The following SLC22A31 variants were observed in gnomAD, a reference collection of about 807,000 sequenced individuals.
The protein encoded by SLC22A31 is putative solute carrier family 22 member 31.
In SLC22A31, 42 loss-of-function variants were observed where a neutral mutation model predicts 27.4. That is an observed-to-expected ratio of 1.53 (90% CI 1.20 to 1.98). The LOEUF (loss-of-function observed/expected upper bound fraction) is 1.98, where lower values mean the gene tolerates loss of function less well. Among genes scored for constraint, SLC22A31 ranks in the 30% most tolerant of loss-of-function variants. SLC22A31 has a pLI of 0.00. For missense variants in SLC22A31, 593 were observed against 479.9 expected, an observed-to-expected ratio of 1.24 and a Z score of -2.20; for synonymous variants, 290 against 230.8, an observed-to-expected ratio of 1.26 and a Z score of -2.33.
chr16:89,198,021 A>T, intron 7 of SLC22A31, 101 bp downstream of exon 7: 2 of 1,327,624 alleles, frequency 1.5e-6, no homozygotes, highest in Non-Finnish European at 2.0e-6. Flanking sequence ...TTGGGCTGCC[A>T]CCCCAGGCTG....
chr16:89,199,094 C>T lies in SLC22A31; in HGVS notation c.381G>A (p.Ala127=), dbSNP rs998689370. Residue 127 remains alanine (A), a synonymous_variant, in exon 4 of 9, where the codon GCG becomes GCA. Coordinates refer to ENST00000682282, the MANE Select transcript of SLC22A31 (RefSeq NM_001384763.1). ...VGTLLLPGLA[A]LVQDWRLLQG... ...GCAGAAGACGCCAGTCCTGCACAAG[C>T]GCAGCCAGGCCGGGCAGCAGCAGGG... 2.5e-5 allele frequency: 39 copies of T among 1,535,548 alleles called. No individual in the cohort carries two copies. Among genetic ancestry groups the T allele is most frequent in the African/African-American group, 1.6e-4 (12 of 73,012 alleles).
chr16:89,195,999 C>T lies in SLC22A31; in HGVS notation c.1341G>A (p.Ter447=). ...YWAGHTPEQH[*] is the part of the protein sequence containing the mutation. ...TGGCTCCCAGGGCCACCAGGCAGGA[C>T]TAGTGCTGCTCGGGGGTGTGGCCGG... is the stretch of plus-strand genomic sequence containing the variant. The change falls in exon 9 of 9, where the codon TAG becomes TAA. Residue 447 remains the stop codon, a stop_retained_variant. Coordinates refer to ENST00000682282, the MANE Select transcript of SLC22A31 (RefSeq NM_001384763.1). 2.7e-6 allele frequency: 4 copies of T among 1,499,816 alleles called. No individual in the cohort carries two copies. Among genetic ancestry groups the T allele is most frequent in the Non-Finnish European group, 3.5e-6 (4 of 1,129,044 alleles). 92.9% of individuals were successfully genotyped at this position (1,499,816 alleles called of 1,614,324 possible). A position where few individuals can be genotyped will look rare whatever the true frequency, so the allele number is the denominator to read the frequency against.
upstream of SLC22A31, chr16:89,201,612 C>G (rs889121812): frequency 2.0e-5 from 8 of 398,486 alleles, no homozygotes; most frequent in South Asian, 8.8e-4. Context: ...CAGCAGGCGC[C>G]GGGCCCGGCC....
At chr16:89,199,237 G>C (rs899680785) in intron 3 of SLC22A31, 46 bp from the exon 4 acceptor site, 23 of 1,479,736 alleles carry the variant, frequency 1.6e-5, no homozygotes, top group Admixed American at 9.4e-5. Flanking sequence ...GGGGAGGACT[G>C]GAACAGTTCC....
upstream of SLC22A31, chr16:89,201,652 C>T (rs1309030315): frequency 1.3e-5 from 5 of 397,118 alleles, no homozygotes; most frequent in African/African-American, 8.3e-5. Context: ...AGCACCCGCG[C>T]CTCCTGCTCC....
Position 89,199,095 on chromosome 16 carries a change from G to A in SLC22A31, c.380C>T (p.Ala127Val), listed in dbSNP as rs554493532. ...VGTLLLPGLA[A>V]LVQDWRLLQG... ...CAGAAGACGCCAGTCCTGCACAAGC[G>A]CAGCCAGGCCGGGCAGCAGCAGGGT... Residue 127 changes from alanine (A) to valine (V), a missense_variant, in exon 4 of 9, where the codon GCG becomes GTG. Coordinates refer to ENST00000682282, the MANE Select transcript of SLC22A31 (RefSeq NM_001384763.1). The A allele has an allele frequency of 1.3e-4, 198 of 1,535,560 alleles. 1 individual carries two copies. Among genetic ancestry groups the A allele is most frequent in the South Asian group, 9.5e-4 (80 of 84,044 alleles).
chr16:89,200,774 TCA>T (rs1916519889), upstream of SLC22A31, among the ~76,000 whole-genome samples: 1 of 152,160 alleles, frequency 6.6e-6, no homozygotes, highest in African/African-American at 2.4e-5. Context: ...CCATCTCTTC[TCA>T]CGCAGATCGT....
Position 89,198,434 on chromosome 16 carries a change from C to T in SLC22A31, c.707+8G>A, listed in dbSNP as rs1469557311. ...ATGGTGCAGGACCCCAGCCCTTCCT[C>T]GACTCACGAGCTGAAGCCCAAGATA... On this transcript the variant is annotated splice_region_variant and intron_variant, in intron 6 of 8. Transcript: ENST00000682282. The T allele has an allele frequency of 1.9e-5, 29 of 1,517,068 alleles. 1 individual carries two copies. The highest frequency in any genetic ancestry group is 1.7e-4 in the Middle Eastern group (1 of 5,876). 94.0% of individuals were successfully genotyped at this position (1,517,068 alleles called of 1,614,324 possible).
Position 89,196,251 on chromosome 16 carries a change from G to C in SLC22A31, c.1089C>G (p.Gly363=). ...LGAGFLGQAA[G]PLDTLHGRQG... ...GCCGGCCGTGCAGGGTGTCCAGGGG[G>C]CCGGCTGCCTGGCCCAGGAACCCGG... The change falls in exon 9 of 9, where the codon GGC becomes GGG. Residue 363 remains glycine (G), a synonymous_variant. Transcript: ENST00000682282. 1 of 1,533,320 alleles carries C rather than the reference G, an allele frequency of 6.5e-7. No individual in the cohort carries two copies. Among genetic ancestry groups the C allele is most frequent in the Non-Finnish European group, 8.7e-7 (1 of 1,146,116 alleles). 95.0% of individuals were successfully genotyped at this position (1,533,320 alleles called of 1,614,324 possible). A position where few individuals can be genotyped will look rare whatever the true frequency, so the allele number is the denominator to read the frequency against.
At position 89,199,399 on chromosome 16, in the gene SLC22A31, C is replaced by G; in HGVS notation, c.283+14G>C. On this transcript the variant is annotated intron_variant, in intron 3 of 8. Coordinates refer to ENST00000682282, the MANE Select transcript of SLC22A31 (RefSeq NM_001384763.1). ...TGCCCCTCCCCCAGTGACAGCAGCC[C>G]CCAGGGTACTCACGAGCCAGATACA... 1 of 587,882 alleles carries G rather than the reference C, an allele frequency of 1.7e-6. No individual in the cohort carries two copies. Among genetic ancestry groups the G allele is most frequent in the Non-Finnish European group, 3.0e-6 (1 of 331,708 alleles). The allele number at this position is 587,882 out of a possible 1,614,324, so 36.4% of individuals were successfully genotyped here. A position where few individuals can be genotyped will look rare whatever the true frequency, so the allele number is the denominator to read the frequency against.
Position 89,198,501 on chromosome 16 carries a change from T to A in SLC22A31, c.648A>T (p.Pro216=). The stretch of plus-strand genomic sequence containing the variant: ...TGACTCGGGTACGCAGAAGCCCCAG[T>A]GGGGAGTGGTACCGGGGCTGGGGGC... ...ARSPQPRYHS[P]LGLLRTRVTW... Residue 216 remains proline, a synonymous_variant, in exon 6 of 9, where the codon CCA becomes CCT. Transcript: ENST00000682282. 6.6e-7 allele frequency: 1 copy of A among 1,517,670 alleles called. No individual in the cohort carries two copies. The highest frequency in any genetic ancestry group is 8.8e-7 in the Non-Finnish European group (1 of 1,136,960). The allele number at this position is 1,517,670 out of a possible 1,614,324, so 94.0% of individuals were successfully genotyped here.
chr16:89,197,557 G>C, intron 7 of SLC22A31, 148 bp from the exon 8 acceptor site: 1 of 610,156 alleles, frequency 1.6e-6, no homozygotes, highest in East Asian at 2.8e-5. Context: ...CCTGGAGGGG[G>C]AACCTGTCCT....
chr16:89,197,407 G>C lies in SLC22A31; in HGVS notation c.925C>G (p.Leu309Val). The change falls in exon 8 of 9, where the codon CTG (leucine) becomes GTG (valine). Residue 309 changes from leucine to valine, a missense_variant and splice_region_variant. By Grantham distance (32) the Leu-to-Val change is conservative (BLOSUM62 1). Coordinates refer to ENST00000682282, the MANE Select transcript of SLC22A31 (RefSeq NM_001384763.1). Reference protein sequence around the residue: ...SLLLLAGAQYLPGWTVLFLSV... With the variant: ...SLLLLAGAQYVPGWTVLFLSV... ...AGGAACAGCACAGTCCAGCCTGGCA[G>C]ATCTGGGGACAAAGAACAGGGGTTC... 3.9e-6 allele frequency: 6 copies of C among 1,535,132 alleles called. No individual in the cohort carries two copies. The highest frequency in any genetic ancestry group is 5.2e-6 in the Non-Finnish European group (6 of 1,146,222).
rs1274854823 is a variant in SLC22A31, at chr16:89,196,341, CT to C, written c.1035-37del. The C allele has an allele frequency of 5.6e-6, 6 of 1,063,304 alleles. No homozygotes were observed. In the South Asian group the frequency reaches 1.0e-4, roughly 18 times the overall value. 65.9% of individuals were successfully genotyped at this position (1,063,304 alleles called of 1,614,324 possible). A position where few individuals can be genotyped will look rare whatever the true frequency, so the allele number is the denominator to read the frequency against. ...GAGTGTGTTGGGGGCAGCCAGCCTC[CT>C]GGCCCAGGAACCCGGCCCCCAGCAC... On this transcript the variant is annotated intron_variant, in intron 8 of 8. Coordinates refer to ENST00000682282, the MANE Select transcript of SLC22A31 (RefSeq NM_001384763.1).
chr16:89,198,058 G>A (rs979776335), intron 7 of SLC22A31, 64 bp downstream of exon 7: 6 of 1,504,238 alleles, frequency 4.0e-6, no homozygotes, highest in Non-Finnish European at 5.3e-6. Flanking sequence ...ATGGCCCCCT[G>A]GTGTGGCAGA....
chr16:89,196,027 C>T lies in SLC22A31; in HGVS notation c.1313G>A (p.Trp438Ter). ...LPLLPPSNSY[W>*]AGHTPEQH The stretch of plus-strand genomic sequence containing the variant: ...GTGCTGCTCGGGGGTGTGGCCGGCC[C>T]AGTAGGAGTTGGAGGGCGGCAGCAG... Residue 438 changes from tryptophan (W) to a stop codon, truncating the protein, a stop_gained, in exon 9 of 9, where the codon TGG becomes TAG. Transcript: ENST00000682282. LOFTEE classifies it low-confidence loss of function (END_TRUNC). The T allele has an allele frequency of 6.6e-7, 1 of 1,524,000 alleles. No individual in the cohort carries two copies. Among genetic ancestry groups the T allele is most frequent in the Non-Finnish European group, 8.8e-7 (1 of 1,141,264 alleles). The allele number at this position is 1,524,000 out of a possible 1,614,324, so 94.4% of individuals were successfully genotyped here. A position where few individuals can be genotyped will look rare whatever the true frequency, so the allele number is the denominator to read the frequency against.
At chr16:89,201,247 G>A, upstream of SLC22A31, 1 of 367,988 alleles carries the variant, frequency 2.7e-6, no homozygotes, top group Non-Finnish European at 4.8e-6. Flanking sequence ...CGGGGCAGCA[G>A]GGACGGGGGC....
At chr16:89,199,926 C>G (rs979511363) in intron 1 of SLC22A31, 110 bp from the exon 2 acceptor site, 6 of 399,782 alleles carry the variant, frequency 1.5e-5, no homozygotes, top group Non-Finnish European at 1.8e-5. Context: ...CCTGCTCAAT[C>G]CCTCCGTGGA....
At position 89,195,815 on chromosome 16, in the gene SLC22A31, A is replaced by T; in HGVS notation, c.*184T>A. 1 of 608,332 alleles carries T rather than the reference A, an allele frequency of 1.6e-6. No homozygotes were observed. Among genetic ancestry groups the T allele is most frequent in the South Asian group, 2.8e-5 (1 of 35,648 alleles). The allele number at this position is 608,332 out of a possible 1,614,324, so 37.7% of individuals were successfully genotyped here. A position where few individuals can be genotyped will look rare whatever the true frequency, so the allele number is the denominator to read the frequency against. The stretch of plus-strand genomic sequence containing the variant: ...ACTGGGTGTGGCTGGGGGGAGACCC[A>T]GGGCCTCCCAGTGCCTGGGGCCTGG... On this transcript the variant is annotated 3_prime_UTR_variant, in exon 9 of 9. Coordinates refer to ENST00000682282, the MANE Select transcript of SLC22A31 (RefSeq NM_001384763.1).
Sources: gnomAD v4.1 joint callset for allele counts (sites outside exome capture counted in the v4.1 genomes callset) on GRCh38, gnomAD v4.1.1 for gene constraint, MANE v1.5 for transcripts, NCBI Gene and HGNC (gene_info 2026-07-23, HGNC 2026-07-21) for gene names.